MUC3A: variants seen among roughly 807,000 people sequenced by gnomAD.
MUC3A encodes mucin-3A.
MUC3A carries 109 observed loss-of-function variants against 109.0 expected under a neutral mutation model. The observed-to-expected ratio is 1.00, with a 90% confidence interval of 0.86 to 1.17. The LOEUF (loss-of-function observed/expected upper bound fraction) is 1.17. Among genes scored for constraint, MUC3A ranks in the 50% most tolerant of loss-of-function variants. MUC3A has a pLI of 0.00. For synonymous variants in MUC3A, 1,398 were observed against 981.4 expected (o/e 1.42, Z -7.93); for missense variants, 3,537 against 2,469.4 (o/e 1.43, Z -9.16).
chr7:100,964,815 G>C lies in MUC3A; in HGVS notation c.9354G>C (p.Gln3118His), dbSNP rs1251066065. Residue 3118 changes from glutamine to histidine, a missense_variant, in exon 6 of 12, where the codon CAG becomes CAC. By Grantham distance (24) the Gln-to-His change is conservative (BLOSUM62 0). Coordinates refer to ENST00000379458, the MANE Select transcript of MUC3A (RefSeq NM_005960.2). ...TLKEGLQNAS[Q>H]DVNSCQDSQT... ...AGGAGGGGCTGCAGAACGCCAGCCA[G>C]GATGTGAACAGCTGCCAGGACTCCC... 4 of 1,598,096 alleles carry C rather than the reference G, an allele frequency of 2.5e-6. No homozygotes were observed. The highest frequency in any genetic ancestry group is 3.4e-6 in the Non-Finnish European group (4 of 1,179,560).
rs564456938 is a variant in MUC3A at position 100,958,998 on chromosome 7, C to G, written c.7219C>G (p.Pro2407Ala). ...CACCAAGACCACCTCACACATTACT[C>G]CTGGCCTCACTTCTTCAATCACCAC... ...TTTKTTSHIT[P>A]GLTSSITTTE... The change falls in exon 2 of 12, where the codon CCT becomes GCT. Residue 2407 changes from proline to alanine, a missense_variant. Transcript: ENST00000379458. 983 of 1,439,520 alleles carry G rather than the reference C, an allele frequency of 6.8e-4. 11 individuals carry two copies. The Admixed American group carries it at 0.02, about 29-fold the overall frequency. 89.2% of individuals were successfully genotyped at this position (1,439,520 alleles called of 1,614,324 possible).
chr7:100,964,077 GAA>G (rs200501223), intron 5 of MUC3A: 10,624 of 494,210 alleles, frequency 0.021, no homozygotes, highest in Middle Eastern at 0.031. Context: ...GAGAGAGAGA[GAA>G]AGAGAGAGAG....
Position 100,951,953 on chromosome 7 carries a change from T to G in MUC3A, c.174T>G (p.Leu58=), listed in dbSNP as rs74375072. 2 of 1,596,734 alleles carry G rather than the reference T, an allele frequency of 1.3e-6. No individual in the cohort carries two copies. The highest frequency in any genetic ancestry group is 1.3e-5 in the African/African-American group (1 of 75,040). The change falls in exon 2 of 12, where the codon CTT becomes CTG. Residue 58 remains leucine (L), a synonymous_variant. Transcript: ENST00000379458. ...CCAGAGACCTGGCTGGGTGGCCACT[T>G]GGTGTCCCCCAGCTCGCCTCTCCTG... ...PHSRDLAGWP[L]GVPQLASPAP...
rs1310080687 is a variant in MUC3A, at chr7:100,967,200, C to T, written c.*38C>T. 4 of 1,598,140 alleles carry T rather than the reference C, an allele frequency of 2.5e-6. No individual in the cohort carries two copies. Among genetic ancestry groups the T allele is most frequent in the Non-Finnish European group, 3.4e-6 (4 of 1,179,722 alleles). ...CCCTTCACCACCCCCTCCGCCCTGC[C>T]CCGGACACAAGGGTCTGCATTGCGT... is the stretch of plus-strand genomic sequence containing the variant. On this transcript the variant is annotated 3_prime_UTR_variant, in exon 12 of 12. Coordinates refer to ENST00000379458, the MANE Select transcript of MUC3A (RefSeq NM_005960.2).
At chr7:100,966,069 TC>T in intron 8 of MUC3A, 1 of 485,692 alleles carries the variant, frequency 2.1e-6, no homozygotes, top group Admixed American at 8.8e-5. Flanking sequence ...TTGAGTCCTG[TC>T]CCCTAATTCT....
At position 100,958,714 on chromosome 7, in the gene MUC3A, C is replaced by G. The variant is rs756591807; in HGVS notation, c.6935C>G (p.Thr2312Ser). 8 of 1,491,736 alleles carry G rather than the reference C, an allele frequency of 5.4e-6. No individual in the cohort carries two copies. The highest frequency in any genetic ancestry group is 4.7e-5 in the East Asian group (2 of 42,344). The allele number at this position is 1,491,736 out of a possible 1,614,324, so 92.4% of individuals were successfully genotyped here. Residue 2312 changes from threonine to serine, a missense_variant, in exon 2 of 12, where the codon ACC becomes AGC. Coordinates refer to ENST00000379458, the MANE Select transcript of MUC3A (RefSeq NM_005960.2). Reference protein sequence around the residue: ...HSTPSFTSSITTTETTSHSAH... With the variant: ...HSTPSFTSSISTTETTSHSAH... ...ACTCCCAGCTTCACTTCTTCGATCA[C>G]CACCACGGAGACCACCTCACACAGT...
chr7:100,962,705 TTTC>T (rs1218773014), intron 3 of MUC3A, among the ~76,000 whole-genome samples: 1 of 149,674 alleles, frequency 6.7e-6, no homozygotes, highest in Non-Finnish European at 1.5e-5. Flanking sequence ...TTTCTTTCTC[TTTC>T]TTTTCTTTCC....
At position 100,963,210 on chromosome 7, in the gene MUC3A, C is replaced by A; in HGVS notation, c.9112C>A (p.Leu3038Ile). The change falls in exon 4 of 12, where the codon CTC becomes ATC. Residue 3038 changes from leucine (L) to isoleucine (I), a missense_variant. Transcript: ENST00000379458. Reference protein sequence around the residue: ...VSVDQQFSPDLNDNTSQAYRD... With the variant: ...VSVDQQFSPDINDNTSQAYRD... ...TGTGGATCAGCAGTTCTCGCCGGAC[C>A]TCAATGACAACACTTCCCAGGCCTA... The A allele has an allele frequency of 6.3e-7, 1 of 1,598,394 alleles. No individual in the cohort carries two copies. The highest frequency in any genetic ancestry group is 1.1e-5 in the South Asian group (1 of 91,028).
Position 100,957,869 on chromosome 7 carries a change from C to A in MUC3A, c.6090C>A (p.Ile2030=). The stretch of plus-strand genomic sequence containing the variant: ...ATACTCCCAGCTTGACTTCTTCGAT[C>A]ACAACCACCGAGACCACATCCCATA... ...SHNTPSLTSS[I]TTTETTSHST... The change falls in exon 2 of 12, where the codon ATC becomes ATA. Residue 2030 remains isoleucine (I), a synonymous_variant. Coordinates refer to ENST00000379458, the MANE Select transcript of MUC3A (RefSeq NM_005960.2). The A allele has an allele frequency of 2.8e-6, 2 of 724,590 alleles. No homozygotes were observed. The highest frequency in any genetic ancestry group is 4.8e-6 in the Non-Finnish European group (2 of 418,026). The allele number at this position is 724,590 out of a possible 1,614,324, so 44.9% of individuals were successfully genotyped here. A position where few individuals can be genotyped will look rare whatever the true frequency, so the allele number is the denominator to read the frequency against.
chr7:100,964,196 G>GCAAA (rs1792443553), intron 5 of MUC3A: 1 of 271,586 alleles, frequency 3.7e-6, no homozygotes, highest in African/African-American at 2.2e-5. Flanking sequence ...TAGCACTTTG[G>GCAAA]GTAGGCTAGG....
Position 100,957,326 on chromosome 7 carries a change from C to T in MUC3A, c.5547C>T (p.Leu1849=), listed in dbSNP as rs1419896571. The part of the protein sequence containing the change: ...TTYPTSLTSA[L]TDSTTRTTYS... Reference sequence around the variant, plus strand: ...ACCCTACTTCTCTTACTAGTGCTCTCACAGATTCCACGACCAGAACCACCT... The same window carrying T: ...ACCCTACTTCTCTTACTAGTGCTCTTACAGATTCCACGACCAGAACCACCT... The change falls in exon 2 of 12, where the codon CTC becomes CTT. Residue 1849 remains leucine (L), a synonymous_variant. Coordinates refer to ENST00000379458, the MANE Select transcript of MUC3A (RefSeq NM_005960.2). The T allele has an allele frequency of 0.012, 5,889 of 511,010 alleles. 3 individuals carry two copies. Among genetic ancestry groups the T allele is most frequent in the Admixed American group, 0.072 (1,368 of 19,110 alleles). 31.7% of individuals were successfully genotyped at this position (511,010 alleles called of 1,614,324 possible). A position where few individuals can be genotyped will look rare whatever the true frequency, so the allele number is the denominator to read the frequency against.
chr7:100,957,922 C>A lies in MUC3A; in HGVS notation c.6143C>A (p.Thr2048Asn). 3 of 606,026 alleles carry A rather than the reference C, an allele frequency of 5.0e-6. No homozygotes were observed. In the African/African-American group the frequency reaches 1.7e-4, roughly 34 times the overall value. The allele number at this position is 606,026 out of a possible 1,614,324, so 37.5% of individuals were successfully genotyped here. ...ACTCCCAGCTTCACTTCTTCGATCA[C>A]CACCGAGACCACATCCCACAGTACT... ...HSTPSFTSSI[T>N]TETTSHSTPS... Residue 2048 changes from threonine to asparagine, a missense_variant, in exon 2 of 12, where the codon ACC (threonine) becomes AAC (asparagine). By Grantham distance (65) the Thr-to-Asn change is moderately conservative (BLOSUM62 0). Transcript: ENST00000379458.
rs1792038026 is a variant in MUC3A, at chr7:100,954,003, C to T, written c.2224C>T (p.Leu742Phe). 1 of 467,310 alleles carries T rather than the reference C, an allele frequency of 2.1e-6. No homozygotes were observed. The highest frequency in any genetic ancestry group is 3.8e-6 in the Non-Finnish European group (1 of 265,456). 28.9% of individuals were successfully genotyped at this position (467,310 alleles called of 1,614,324 possible). The change falls in exon 2 of 12, where the codon CTT (leucine) becomes TTT (phenylalanine). Residue 742 changes from leucine to phenylalanine, a missense_variant. Coordinates refer to ENST00000379458, the MANE Select transcript of MUC3A (RefSeq NM_005960.2). ...MTETSSTATS[L>F]PPTSPLVSTA... ...AGAGACATCATCCACTGCCACCTCT[C>T]TTCCACCCACCTCTCCCTTGGTCTC... is the stretch of plus-strand genomic sequence containing the variant.
chr7:100,965,748 T>C lies in MUC3A; in HGVS notation c.9493T>C (p.Phe3165Leu), dbSNP rs1352944613. The C allele has an allele frequency of 1.9e-5, 30 of 1,598,304 alleles. No homozygotes were observed. Among genetic ancestry groups the C allele is most frequent in the African/African-American group, 2.7e-5 (2 of 74,964 alleles). ...TCCCACGGGCTATGAAGAGTTCTAC[T>C]TCCCCTTGGTGGAGGCCACCCGGCT... The part of the protein sequence containing the change: ...AAPTGYEEFY[F>L]PLVEATRLRC... The change falls in exon 8 of 12, where the codon TTC becomes CTC. Residue 3165 changes from phenylalanine to leucine, a missense_variant. Phe to Leu is a conservative substitution (Grantham distance 22). Transcript: ENST00000379458.
Position 100,957,826 on chromosome 7 carries a change from C to G in MUC3A, c.6047C>G (p.Thr2016Ser). 1.3e-6 allele frequency: 1 copy of G among 772,612 alleles called. No homozygotes were observed. The allele number at this position is 772,612 out of a possible 1,614,324, so 47.9% of individuals were successfully genotyped here. The part of the protein sequence containing the change: ...TPSFTSSITT[T>S]ETTSHNTPSL... ...AGCTTCACTTCTTCCATCACCACCA[C>G]TGAGACCACATCCCACAATACTCCC... is the stretch of plus-strand genomic sequence containing the variant. The change falls in exon 2 of 12, where the codon ACT becomes AGT. Residue 2016 changes from threonine to serine, a missense_variant. By Grantham distance (58) the Thr-to-Ser change is moderately conservative. Transcript: ENST00000379458.
At position 100,954,116 on chromosome 7, in the gene MUC3A, T is replaced by A; in HGVS notation, c.2337T>A (p.Ser779=). 1 of 592,728 alleles carries A rather than the reference T, an allele frequency of 1.7e-6. No homozygotes were observed. Among genetic ancestry groups the A allele is most frequent in the Non-Finnish European group, 3.0e-6 (1 of 337,258 alleles). 36.7% of individuals were successfully genotyped at this position (592,728 alleles called of 1,614,324 possible). ...CACATAGTACCACCAGCTTCACTTC[T>A]TCAACCGTCTACTCCACAGCCAGCA... ...TTSHSTTSFT[S]STVYSTASTY... The change falls in exon 2 of 12, where the codon TCT becomes TCA. Residue 779 remains serine (S), a synonymous_variant. Coordinates refer to ENST00000379458, the MANE Select transcript of MUC3A (RefSeq NM_005960.2).
chr7:100,958,965 G>T lies in MUC3A; in HGVS notation c.7186G>T (p.Val2396Phe), dbSNP rs760637480. Residue 2396 changes from valine to phenylalanine, a missense_variant, in exon 2 of 12, where the codon GTC becomes TTC. Physicochemically the swap from Val to Phe is conservative, Grantham distance 50 (BLOSUM62 -1). Coordinates refer to ENST00000379458, the MANE Select transcript of MUC3A (RefSeq NM_005960.2). ...CAGTACTCCTGGCCTCACTTCGTGG[G>T]TCACCACCACCAAGACCACCTCACA... Reference protein sequence around the residue: ...LHSTPGLTSWVTTTKTTSHIT... With the variant: ...LHSTPGLTSWFTTTKTTSHIT... 3.3e-6 allele frequency: 4 copies of T among 1,216,246 alleles called. No homozygotes were observed. Among genetic ancestry groups the T allele is most frequent in the African/African-American group, 3.5e-5 (1 of 28,894 alleles). The allele number at this position is 1,216,246 out of a possible 1,614,324, so 75.3% of individuals were successfully genotyped here. A position where few individuals can be genotyped will look rare whatever the true frequency, so the allele number is the denominator to read the frequency against.
In MUC3A at chr7:100,952,484, C is replaced by G. The variant is rs1444274265; in HGVS notation, c.705C>G (p.Ser235Arg). ...AAAGGACTCCCCTGCCCACTGGAAG[C>G]ATCCATACAACCACGTCCCCAACCC... ...TTERTPLPTG[S>R]IHTTTSPTPV... is the part of the protein sequence containing the mutation. Residue 235 changes from serine to arginine, a missense_variant, in exon 2 of 12, where the codon AGC (serine) becomes AGG (arginine). Ser to Arg is a moderately radical substitution (Grantham distance 110). Transcript: ENST00000379458. 1.3e-6 allele frequency: 2 copies of G among 1,598,372 alleles called. No individual in the cohort carries two copies. Among genetic ancestry groups the G allele is most frequent in the Admixed American group, 3.3e-5 (2 of 60,006 alleles).
At chr7:100,962,797 T>TCTCTC (rs1554239150) in intron 3 of MUC3A, among the ~76,000 whole-genome samples, 43 of 143,428 alleles carry the variant, frequency 3.0e-4, no homozygotes, top group African/African-American at 8.6e-4. Context: ...CTTTCTTTCT[T>TCTCTC]TCTCTCTCTC....
Sources: gnomAD v4.1 joint callset for allele counts (sites outside exome capture counted in the v4.1 genomes callset) on GRCh38, gnomAD v4.1.1 for gene constraint, MANE v1.5 for transcripts, NCBI Gene and HGNC (gene_info 2026-07-23, HGNC 2026-07-21) for gene names.